The following MVB12B variants were observed in gnomAD, a reference collection of about 807,000 sequenced individuals.
The protein encoded by MVB12B is multivesicular body subunit 12B.
MVB12B carries 16 observed loss-of-function variants against 41.6 expected under a neutral mutation model. The observed-to-expected ratio is 0.38, with a 90% CI of 0.26 to 0.58. MVB12B has a LOEUF of 0.58. MVB12B is among the 20% of genes least tolerant of loss of function. MVB12B has a pLI of 0.62. For missense variants in MVB12B, 274 were observed against 380.2 expected (o/e 0.72, Z 2.32); for synonymous variants, 133 against 139.7 (o/e 0.95, Z 0.34).
chr9:126,354,155 G>A (rs1471776246), intron 2 of MVB12B, among the ~76,000 whole-genome samples: 1 of 152,112 alleles, frequency 6.6e-6, no homozygotes, highest in Non-Finnish European at 1.5e-5. Context: ...TTTTGTAGCT[G>A]GCTCATATGG....
chr9:126,431,439 T>TG lies in MVB12B; in HGVS notation c.757+9497dup, dbSNP rs545324769. On this transcript the variant is annotated intron_variant, in intron 7 of 9. Transcript: ENST00000361171. ...TTTGGTTTTTTGGAGGAAAAGTGCC[T>TG]GGGGGGCTGATTTCTGCTCTAGGCT... Among the ~76,000 whole-genome samples the TG allele has an allele frequency of 1.1e-3, 169 of 152,330 alleles. 3 individuals are homozygous for TG. The East Asian group carries it at 0.013, about 11-fold the overall frequency.
At chr9:126,442,993 G>C (rs990673735) in intron 7 of MVB12B, among the ~76,000 whole-genome samples, 4 of 152,198 alleles carry the variant, frequency 2.6e-5, no homozygotes, top group Non-Finnish European at 5.9e-5. Flanking sequence ...AAAAAAATAA[G>C]TGAATCTGAG....
intron 2 of MVB12B, among the ~76,000 whole-genome samples, chr9:126,364,945 G>T (rs191553547): frequency 1.8e-4 from 28 of 151,974 alleles, no homozygotes; most frequent in African/African-American, 6.5e-4. Flanking sequence ...GTAGAGACGG[G>T]GTTTCACCGC....
At chr9:126,429,195 T>TGCA (rs1184854597) in intron 7 of MVB12B, among the ~76,000 whole-genome samples, 4 of 152,210 alleles carry the variant, frequency 2.6e-5, no homozygotes, top group African/African-American at 9.7e-5. Context: ...ACCATTTTTA[T>TGCA]CATCCCCTAT....
intron 1 of MVB12B, among the ~76,000 whole-genome samples, chr9:126,332,931 G>T (rs1231814957): frequency 6.6e-6 from 1 of 152,218 alleles, no homozygotes; most frequent in Non-Finnish European, 1.5e-5. Context: ...GAGAGGAAAG[G>T]CTGTGTGTGT....
At chr9:126,330,603 A>G (rs1263125667) in intron 1 of MVB12B, among the ~76,000 whole-genome samples, 1 of 152,186 alleles carries the variant, frequency 6.6e-6, no homozygotes, top group Non-Finnish European at 1.5e-5. Flanking sequence ...GCTTTCTAAA[A>G]AAGTGTTAAA....
intron 2 of MVB12B, among the ~76,000 whole-genome samples, chr9:126,368,342 G>C (rs1830239310): frequency 6.6e-6 from 1 of 152,192 alleles, no homozygotes; most frequent in Admixed American, 6.5e-5. Flanking sequence ...CTGCGAGGCT[G>C]GTATTGGGTG....
At chr9:126,499,979 C>T (rs1309060495) in intron 9 of MVB12B, among the ~76,000 whole-genome samples, 2 of 152,152 alleles carry the variant, frequency 1.3e-5, no homozygotes, top group Non-Finnish European at 2.9e-5. Flanking sequence ...CACAGGGTCC[C>T]CACGACAGCC....
chr9:126,397,477 A>G (rs1831149329), intron 6 of MVB12B: 12 of 985,492 alleles, frequency 1.2e-5, no homozygotes, highest in Non-Finnish European at 1.4e-5. Context: ...AATGGCTGCA[A>G]GGAAATCGGA....
chr9:126,383,704 G>A (rs1830695422), intron 3 of MVB12B, among the ~76,000 whole-genome samples: 1 of 151,934 alleles, frequency 6.6e-6, no homozygotes, highest in Non-Finnish European at 1.5e-5. Flanking sequence ...ATGGGGGAGG[G>A]GAGAGGAACA....
At chr9:126,403,950 CTTTTTTT>C (rs36030597) in intron 6 of MVB12B, among the ~76,000 whole-genome samples, 10 of 104,752 alleles carry the variant, frequency 9.5e-5, no homozygotes, top group African/African-American at 3.6e-4. Flanking sequence ...TCCTTTAAAT[CTTTTTTT>C]TTTTTTTTTT....
chr9:126,379,304 C>T (rs1218605313), intron 2 of MVB12B, among the ~76,000 whole-genome samples: 1 of 152,212 alleles, frequency 6.6e-6, no homozygotes, highest in African/African-American at 2.4e-5. Context: ...CCCCAAATGA[C>T]TGCATCCTAG....
chr9:126,372,641 T>G (rs1207386027), intron 2 of MVB12B, among the ~76,000 whole-genome samples: 1 of 152,234 alleles, frequency 6.6e-6, no homozygotes, highest in East Asian at 1.9e-4. Context: ...CATTTAATCC[T>G]TACAAATAAT....
chr9:126,404,527 C>A (rs998566314), intron 6 of MVB12B, among the ~76,000 whole-genome samples: 1 of 152,248 alleles, frequency 6.6e-6, no homozygotes, highest in Non-Finnish European at 1.5e-5. Flanking sequence ...GTGGCCCCGC[C>A]ATCTTCCTGT....
chr9:126,474,976 G>T (rs1365409342), intron 7 of MVB12B, among the ~76,000 whole-genome samples: 4 of 152,188 alleles, frequency 2.6e-5, no homozygotes, highest in Non-Finnish European at 5.9e-5. Flanking sequence ...CCAGGACTGC[G>T]GCACTGTAAC....
intron 2 of MVB12B, among the ~76,000 whole-genome samples, chr9:126,345,303 T>C (rs1829557996): frequency 1.3e-5 from 2 of 152,232 alleles, no homozygotes; most frequent in African/African-American, 4.8e-5. Flanking sequence ...TATTTTATTC[T>C]TTTTTCTCAC....
intron 6 of MVB12B, chr9:126,396,902 G>A (rs959217537): frequency 4.2e-5 from 41 of 985,374 alleles, no homozygotes; most frequent in East Asian, 1.1e-4. Flanking sequence ...TGTGAGGTTC[G>A]CACTGCCCAT....
At chr9:126,482,884 C>A (rs946051791) in intron 8 of MVB12B, among the ~76,000 whole-genome samples, 3 of 152,220 alleles carry the variant, frequency 2.0e-5, no homozygotes, top group Non-Finnish European at 2.9e-5. Flanking sequence ...TGCAGCGCCC[C>A]GCAGCCCCAC....
At chr9:126,438,708 T>A (rs1267941220) in intron 7 of MVB12B, among the ~76,000 whole-genome samples, 1 of 152,106 alleles carries the variant, frequency 6.6e-6, no homozygotes, top group Non-Finnish European at 1.5e-5. Context: ...CAGAGCCCAG[T>A]GGGGTGGGGG....
Sources: gnomAD v4.1 joint callset for allele counts (sites outside exome capture counted in the v4.1 genomes callset) on GRCh38, gnomAD v4.1.1 for gene constraint, MANE v1.5 for transcripts, NCBI Gene and HGNC (gene_info 2026-07-23, HGNC 2026-07-21) for gene names.